ZC3H12B: variants seen among roughly 807,000 people sequenced by gnomAD.
ZC3H12B encodes the protein probable ribonuclease ZC3H12B.
In ZC3H12B, 7 loss-of-function variants were observed where a neutral mutation model predicts 43.9. The observed-to-expected ratio is 0.16, with a 90% CI of 0.09 to 0.30. ZC3H12B has a LOEUF of 0.30. Among genes scored for constraint, ZC3H12B ranks in the 10% least tolerant of loss-of-function variants. The pLI, the probability that ZC3H12B is intolerant of heterozygous loss-of-function variation, is 1.00. For synonymous variants in ZC3H12B, 222 were observed against 241.7 expected (o/e 0.92, Z 0.76); for missense variants, 475 against 670.2 (o/e 0.71, Z 3.22).
the ZC3H12B span, among the ~76,000 whole-genome samples, chrX:65,062,419 C>T: frequency 8.9e-6 from 1 of 112,091 alleles, no homozygotes; most frequent in South Asian, 3.7e-4. Flanking sequence ...AATAGGGAAT[C>T]TTTTCCCCTT....
At chrX:65,255,334 G>T in the ZC3H12B span, among the ~76,000 whole-genome samples, 2 of 111,932 alleles carry the variant, frequency 1.8e-5, no homozygotes. Flanking sequence ...AAAGGGGAAA[G>T]TATCAGGCTA....
chrX:65,451,796 G>A (rs1236073304), intron 3 of ZC3H12B, among the ~76,000 whole-genome samples: 1 of 111,889 alleles, frequency 8.9e-6, no homozygotes, highest in Admixed American at 9.6e-5. Context: ...GGGTTTGTGC[G>A]TTTAATTTCC....
the ZC3H12B span, among the ~76,000 whole-genome samples, chrX:65,287,930 T>A: frequency 1.9e-5 from 2 of 106,761 alleles, no homozygotes; most frequent in Admixed American, 1.0e-4. Context: ...AGGACCCTAA[T>A]AAGCAAAATC....
rs947008392 is a variant in ZC3H12B, at chrX:65,366,771, G to A, written n.125+9G>A. ...CCTGGTTACACAGGAAGGTAGGTGA[G>A]TAGAAGCTCCTCTAGGATACATATC... On this transcript the variant is annotated intron_variant and non_coding_transcript_variant, in intron 1 of 5. Coordinates refer to the ZC3H12B transcript ENST00000617377. The A allele has an allele frequency of 8.9e-6, 1 of 112,169 alleles. No homozygotes were observed. The highest frequency in any genetic ancestry group is 1.9e-5 in the Non-Finnish European group (1 of 53,221). The allele number at this position is 112,169 out of a possible 1,213,427, so 9.2% of individuals were successfully genotyped here. A position where few individuals can be genotyped will look rare whatever the true frequency, so the allele number is the denominator to read the frequency against.
chrX:65,143,151 ATTTG>A, the ZC3H12B span, among the ~76,000 whole-genome samples: 43 of 111,024 alleles, frequency 3.9e-4, no homozygotes, highest in South Asian at 1.9e-3. Flanking sequence ...ATGTGTTTCT[ATTTG>A]TTTGTGTCAT....
the ZC3H12B span, among the ~76,000 whole-genome samples, chrX:65,059,683 A>G: frequency 9.0e-6 from 1 of 111,695 alleles, no homozygotes; most frequent in Non-Finnish European, 1.9e-5. Context: ...TCTGATTTTT[A>G]CATAAAATAG....
intron 3 of ZC3H12B, among the ~76,000 whole-genome samples, chrX:65,457,463 G>A (rs1433250218): frequency 1.1e-4 from 9 of 83,855 alleles, no homozygotes; most frequent in Non-Finnish European, 1.5e-4. Flanking sequence ...CCCCCCGCCC[G>A]GCCAGCCGCC....
intron 3 of ZC3H12B, among the ~76,000 whole-genome samples, chrX:65,403,572 G>A (rs1029558142): frequency 8.9e-6 from 1 of 111,844 alleles, no homozygotes; most frequent in African/African-American, 3.2e-5. Flanking sequence ...GATGCTTAAA[G>A]CAGCAAGAAA....
At chrX:65,311,930 TG>T in the ZC3H12B span, among the ~76,000 whole-genome samples, 1 of 110,452 alleles carries the variant, frequency 9.1e-6, no homozygotes, top group African/African-American at 3.3e-5. Flanking sequence ...CACTCATAGG[TG>T]GGAATTGAAC....
At chrX:65,416,521 C>T (rs970368600) in intron 3 of ZC3H12B, among the ~76,000 whole-genome samples, 5 of 110,387 alleles carry the variant, frequency 4.5e-5, no homozygotes, top group East Asian at 2.8e-4. Context: ...GTGGCTCACG[C>T]CTGTAATCCC....
the ZC3H12B span, among the ~76,000 whole-genome samples, chrX:65,106,633 G>T: frequency 2.7e-5 from 3 of 111,083 alleles, no homozygotes; most frequent in African/African-American, 6.5e-5. Flanking sequence ...TTAATAAGAA[G>T]AAAGGGAAGG....
chrX:65,109,870 A>ATTTTGT, the ZC3H12B span, among the ~76,000 whole-genome samples: 9,036 of 111,056 alleles, frequency 0.081, 1,008 homozygotes, highest in African/African-American at 0.29. Context: ...TGTTATTATC[A>ATTTTGT]TTTTGTTAAT....
rs755583766 is a variant in ZC3H12B at position 65,471,575 on chromosome X, C to T, written n.408-17071C>T. Among the ~76,000 whole-genome samples, 5 of 107,385 alleles carry T rather than the reference C, an allele frequency of 4.7e-5. No homozygotes were observed. The East Asian group carries it at 1.5e-3, about 32-fold the overall frequency. 93.3% of individuals were successfully genotyped at this position (107,385 alleles called of 115,157 possible). A position where few individuals can be genotyped will look rare whatever the true frequency, so the allele number is the denominator to read the frequency against. ...AAGCAATTCTCCTGCCTCAGCCTCC[C>T]GAGTAGCTGGGATTACAGATATGCA... is the stretch of plus-strand genomic sequence containing the variant. On this transcript the variant is annotated intron_variant and non_coding_transcript_variant, in intron 3 of 5. Transcript: ENST00000617377.
At chrX:65,505,628 G>A (rs928646489) in exon 5 of ZC3H12B, 1 of 111,906 alleles carries the variant, frequency 8.9e-6, no homozygotes, top group Non-Finnish European at 1.9e-5. Context: ...TCTAAATCAG[G>A]GTATTTGACA....
chrX:65,491,499 G>T (rs2068202353), intron 1 of ZC3H12B, among the ~76,000 whole-genome samples: 1 of 110,407 alleles, frequency 9.1e-6, no homozygotes, highest in Non-Finnish European at 1.9e-5. Context: ...TTGAGCCCAG[G>T]ACTTCAAGAC....
chrX:65,455,449 T>C (rs751443463), intron 3 of ZC3H12B, among the ~76,000 whole-genome samples: 68 of 111,464 alleles, frequency 6.1e-4, no homozygotes, highest in African/African-American at 1.9e-3. Context: ...AAGAAACGAA[T>C]AAAGCCTCCA....
the ZC3H12B span, among the ~76,000 whole-genome samples, chrX:65,307,825 A>G: frequency 2.7e-5 from 3 of 112,108 alleles, no homozygotes; most frequent in African/African-American, 9.7e-5. Flanking sequence ...AAACATTTAA[A>G]GTTGTCACCA....
the ZC3H12B span, among the ~76,000 whole-genome samples, chrX:65,292,760 G>T: frequency 5.7e-4 from 63 of 111,098 alleles, no homozygotes; most frequent in African/African-American, 2.0e-3. Flanking sequence ...CAAGGTAGGA[G>T]GATTGCTTGA....
At chrX:65,338,383 C>T in the ZC3H12B span, among the ~76,000 whole-genome samples, 8 of 111,551 alleles carry the variant, frequency 7.2e-5, no homozygotes, top group Non-Finnish European at 1.1e-4. Context: ...AACCCACCAA[C>T]CAAATGAAGT....
Sources: allele counts gnomAD v4.1 joint callset (sites outside exome capture counted in the v4.1 genomes callset), GRCh38; gene constraint gnomAD v4.1.1; transcripts MANE v1.5; gene names NCBI Gene and HGNC (gene_info 2026-07-23, HGNC 2026-07-21).